TPD52: variants seen among roughly 807,000 people sequenced by gnomAD.
TPD52 encodes the protein tumor protein D52.
A neutral mutation model predicts 31.3 loss-of-function variants in TPD52; 17 were observed. The ratio of observed to expected loss-of-function variants is 0.54; its 90% CI spans 0.37 to 0.82. The LOEUF is 0.82. Among genes scored for constraint, TPD52 ranks in the 40% least tolerant of loss-of-function variants. The pLI is 0.00. For synonymous variants in TPD52, 83 were observed against 89.6 expected (o/e 0.93, Z 0.42); for missense variants, 212 against 240.1 (o/e 0.88, Z 0.77).
intron 1 of TPD52, among the ~76,000 whole-genome samples, chr8:80,113,765 A>G (rs1468531377): frequency 6.6e-6 from 1 of 152,244 alleles, no homozygotes; most frequent in African/African-American, 2.4e-5. Flanking sequence ...AACTTATTCT[A>G]TATCCTCAAA....
intron 1 of TPD52, among the ~76,000 whole-genome samples, chr8:80,085,776 A>G (rs1167531519): frequency 1.3e-5 from 2 of 152,214 alleles, no homozygotes; most frequent in Admixed American, 6.5e-5. Flanking sequence ...CTCGGGAGAA[A>G]TTTTGAGGAA....
At chr8:80,157,491 T>G (rs1811054017) in intron 1 of TPD52, among the ~76,000 whole-genome samples, 1 of 152,082 alleles carries the variant, frequency 6.6e-6, no homozygotes. Context: ...AACAATGACC[T>G]GAAGAAAAGC....
rs749304776 is a variant in TPD52, at chr8:80,080,305, T to C, written c.20-15712A>G. The C allele has an allele frequency of 4.3e-6, 7 of 1,613,388 alleles. No homozygotes were observed. In the South Asian group the frequency reaches 6.6e-5, roughly 15 times the overall value. Reference sequence around the variant, plus strand: ...CCAAGCAAACTTAACTTTACAAAATTAGTAGTTACCAAATTTCTGAAGAGT... The same window carrying C: ...CCAAGCAAACTTAACTTTACAAAATCAGTAGTTACCAAATTTCTGAAGAGT... On this transcript the variant is annotated intron_variant, in intron 1 of 7. Transcript: ENST00000518937.
intron 1 of TPD52, among the ~76,000 whole-genome samples, chr8:80,112,746 AAC>A (rs1491138528): frequency 2.1e-5 from 1 of 47,924 alleles, no homozygotes; most frequent in Admixed American, 2.6e-4. Context: ...CTTCATCAGC[AAC>A]CCCCCAACCC....
At chr8:80,032,459 C>T (rs1356254695), downstream of TPD52, among the ~76,000 whole-genome samples, 1 of 152,114 alleles carries the variant, frequency 6.6e-6, no homozygotes, top group African/African-American at 2.4e-5. Context: ...GTCTCAGCTA[C>T]TCGGGAAGCT....
At chr8:80,139,290 A>G (rs139170135) in intron 1 of TPD52, among the ~76,000 whole-genome samples, 76 of 152,322 alleles carry the variant, frequency 5.0e-4, no homozygotes, top group African/African-American at 1.6e-3. Flanking sequence ...CTATTTTTTT[A>G]TAAAGAGTAT....
chr8:80,084,470 C>A (rs1436131194), intron 1 of TPD52, among the ~76,000 whole-genome samples: 1 of 152,208 alleles, frequency 6.6e-6, no homozygotes, highest in African/African-American at 2.4e-5. Context: ...GCAGCTCCTT[C>A]CCTCACCAGG....
chr8:80,083,973 A>T (rs2130847680), intron 1 of TPD52, among the ~76,000 whole-genome samples: 1 of 152,018 alleles, frequency 6.6e-6, no homozygotes, highest in Non-Finnish European at 1.5e-5. Context: ...ACATCCAAGC[A>T]CTCTCACTCC....
At chr8:80,115,538 A>G (rs1268307797) in intron 1 of TPD52, among the ~76,000 whole-genome samples, 1 of 152,210 alleles carries the variant, frequency 6.6e-6, no homozygotes, top group Non-Finnish European at 1.5e-5. Flanking sequence ...GAAGGGAGGC[A>G]AGAGAGGAAT....
At chr8:80,133,092 C>T (rs1048706418) in intron 1 of TPD52, among the ~76,000 whole-genome samples, 7 of 152,174 alleles carry the variant, frequency 4.6e-5, no homozygotes, top group African/African-American at 1.7e-4. Flanking sequence ...GCTGCATAAC[C>T]TTGGATAGCT....
intron 1 of TPD52, among the ~76,000 whole-genome samples, chr8:80,106,454 T>G (rs1366227259): frequency 6.6e-6 from 1 of 152,042 alleles, no homozygotes; most frequent in Non-Finnish European, 1.5e-5. Context: ...CCTCCCGGGT[T>G]CACGCCATTC....
intron 1 of TPD52, among the ~76,000 whole-genome samples, chr8:80,110,812 C>T (rs957283495): frequency 6.6e-6 from 1 of 152,174 alleles, no homozygotes; most frequent in Non-Finnish European, 1.5e-5. Context: ...ATTTGTCTTG[C>T]TTCTGCAAAT....
chr8:80,069,843 G>A (rs369793816), intron 1 of TPD52, among the ~76,000 whole-genome samples: 13 of 152,222 alleles, frequency 8.5e-5, no homozygotes, highest in East Asian at 1.9e-4. Context: ...GTGTGTGTGC[G>A]AGTGTGGTCA....
rs1315630606 is a variant in TPD52, at chr8:80,108,027, G to T, written c.20-43434C>A. ...CTGTGATACCTGCCTGATTTGTCAAGAAAAATTAAATAACATTAAGATGAT... is the reference window on the plus strand; with the variant it reads ...CTGTGATACCTGCCTGATTTGTCAATAAAAATTAAATAACATTAAGATGAT... On this transcript the variant is annotated intron_variant, in intron 1 of 7. Transcript: ENST00000518937. Among the ~76,000 whole-genome samples the T allele has an allele frequency of 2.0e-5, 3 of 152,150 alleles. No individual in the cohort carries two copies. In the East Asian group the frequency reaches 5.8e-4, roughly 29 times the overall value.
At chr8:80,088,592 C>T (rs559422173) in intron 1 of TPD52, among the ~76,000 whole-genome samples, 5 of 152,176 alleles carry the variant, frequency 3.3e-5, no homozygotes, top group South Asian at 2.1e-4. Flanking sequence ...GCTGGACTGC[C>T]GAGGGGAGAG....
Position 80,140,564 on chromosome 8 carries a change from C to T in TPD52, c.19+30861G>A, listed in dbSNP as rs188472140. On this transcript the variant is annotated intron_variant, in intron 1 of 7. Transcript: ENST00000518937. ...AAAAGTAATCCATTGTAAGTAACAA[C>T]GGTTAAGGCTTCCTTGTAGCTACGA... Among the ~76,000 whole-genome samples, 70 of 152,304 alleles carry T rather than the reference C, an allele frequency of 4.6e-4. 1 individual carries two copies. Among genetic ancestry groups the T allele is most frequent in the Admixed American group, 3.5e-3 (53 of 15,300 alleles).
intron 1 of TPD52, among the ~76,000 whole-genome samples, chr8:80,070,969 T>C (rs910207715): frequency 1.3e-5 from 2 of 152,108 alleles, no homozygotes; most frequent in Non-Finnish European, 2.9e-5. Context: ...GAAGGAAATT[T>C]GAACGCAGAG....
chr8:80,104,331 T>C (rs1806947794), intron 1 of TPD52, among the ~76,000 whole-genome samples: 2 of 152,206 alleles, frequency 1.3e-5, no homozygotes, highest in South Asian at 4.1e-4. Flanking sequence ...TAAGCTCTTC[T>C]AAAAGAATGG....
intron 2 of TPD52, among the ~76,000 whole-genome samples, chr8:80,060,808 A>G (rs1321477529): frequency 2.0e-5 from 3 of 152,148 alleles, no homozygotes; most frequent in Non-Finnish European, 4.4e-5. Context: ...GGAATAAAAG[A>G]GAACTTCCTC....
Sources: allele counts gnomAD v4.1 joint callset (sites outside exome capture counted in the v4.1 genomes callset), GRCh38; gene constraint gnomAD v4.1.1; transcripts MANE v1.5; gene names NCBI Gene and HGNC (gene_info 2026-07-23, HGNC 2026-07-21).